Variants in CLPB observed in about 807,000 individuals in gnomAD.
CLPB encodes the protein mitochondrial disaggregase.
In CLPB, 40 loss-of-function variants were observed where a neutral mutation model predicts 78.4. The ratio of observed to expected loss-of-function variants is 0.51; its 90% CI spans 0.40 to 0.66. The LOEUF (loss-of-function observed/expected upper bound fraction) is 0.66. Ranked by LOEUF, CLPB falls within the 30% of genes least tolerant of loss-of-function variation. CLPB has a pLI of 0.00. For synonymous variants in CLPB, 333 were observed against 348.0 expected, an observed-to-expected ratio of 0.96 and a Z score of 0.48; for missense variants, 780 against 886.9, an observed-to-expected ratio of 0.88 and a Z score of 1.53.
Position 72,292,219 on chromosome 11 carries a change from TTCTC to T in CLPB, c.*1144_*1147del, listed in dbSNP as rs1949464143. The T allele has an allele frequency of 6.6e-6, 1 of 152,188 alleles. No individual in the cohort carries two copies. Among genetic ancestry groups the T allele is most frequent in the South Asian group, 2.1e-4 (1 of 4,814 alleles). The allele number at this position is 152,188 out of a possible 1,614,324, so 9.4% of individuals were successfully genotyped here. ...CAAGGGACTTTGATTCCTGGCCCCA[TTCTC>T]TGCTTCCTGAAAGACTAGCTAACAC... On this transcript the variant is annotated 3_prime_UTR_variant, in exon 16 of 16. Coordinates refer to ENST00000538039, the MANE Select transcript of CLPB (RefSeq NM_001258392.3).
chr11:72,290,720 G>C lies in CLPB; in HGVS notation c.*2647C>G, dbSNP rs1949440967. The C allele has an allele frequency of 6.6e-6, 1 of 152,134 alleles. No homozygotes were observed. The highest frequency in any genetic ancestry group is 1.5e-5 in the Non-Finnish European group (1 of 68,026). 9.4% of individuals were successfully genotyped at this position (152,134 alleles called of 1,614,324 possible). On this transcript the variant is annotated 3_prime_UTR_variant, in exon 16 of 16. Coordinates refer to ENST00000538039, the MANE Select transcript of CLPB (RefSeq NM_001258392.3). ...GCACTTTGGGAGGCCGAGGTGGGTG[G>C]ATCACCTGAGGTCAGGAGTTCAAGA...
intron 2 of CLPB, among the ~76,000 whole-genome samples, chr11:72,407,609 T>C (rs1482511982): frequency 1.3e-5 from 2 of 151,916 alleles, no homozygotes; most frequent in Non-Finnish European, 2.9e-5. Flanking sequence ...TACAGGAGAG[T>C]CAGGAGACCT....
rs115672570 is a variant in CLPB at position 72,302,743 on chromosome 11, G to T, written c.1123-395C>A. 5.1e-3 allele frequency: 1,330 copies of T among 261,088 alleles called. 15 individuals carry two copies. The highest frequency in any genetic ancestry group is 0.028 in the African/African-American group (1,267 of 45,846). The allele number at this position is 261,088 out of a possible 1,614,324, so 16.2% of individuals were successfully genotyped here. Reference sequence around the variant, plus strand: ...AACAAGTCTTGGTCTCTGTCCTTAAGAAGCACCCCATCGAATGGTGCAGAC... The same window carrying T: ...AACAAGTCTTGGTCTCTGTCCTTAATAAGCACCCCATCGAATGGTGCAGAC... On this transcript the variant is annotated intron_variant, in intron 9 of 15. Transcript: ENST00000538039.
chr11:72,433,214 A>T (rs1856596967), intron 1 of CLPB, among the ~76,000 whole-genome samples: 1 of 152,158 alleles, frequency 6.6e-6, no homozygotes, highest in African/African-American at 2.4e-5. Flanking sequence ...CTCCAAAAAG[A>T]GTCAAAATAA....
intron 11 of CLPB, among the ~76,000 whole-genome samples, chr11:72,296,810 G>A (rs1218395190): frequency 6.6e-6 from 1 of 152,152 alleles, no homozygotes; most frequent in Non-Finnish European, 1.5e-5. Context: ...GCTTGCTGGA[G>A]GCTGGAATCT....
rs1406905142 is a variant in CLPB at position 72,295,287 on chromosome 11, G to A, written c.1486+205C>T. ...AGCCCTCTTATCACCCAACAGACTT[G>A]AGGCTTTCTTGAAGTGGGGTCTCTG... On this transcript the variant is annotated intron_variant, in intron 12 of 15. Transcript: ENST00000538039. Among the ~76,000 whole-genome samples, 10 of 152,172 alleles carry A rather than the reference G, an allele frequency of 6.6e-5. No individual in the cohort carries two copies. In the East Asian group the frequency reaches 9.6e-4, roughly 15 times the overall value.
intron 2 of CLPB, among the ~76,000 whole-genome samples, chr11:72,418,752 G>A (rs1856098857): frequency 6.6e-6 from 1 of 151,952 alleles, no homozygotes; most frequent in Non-Finnish European, 1.5e-5. Flanking sequence ...CTACTCTGGA[G>A]GCTGAGCCAG....
chr11:72,408,195 TCTCTTGGGG>T, intron 2 of CLPB: 1 of 1,535,234 alleles, frequency 6.5e-7, no homozygotes, highest in South Asian at 1.2e-5. Flanking sequence ...TTCTTTGCAG[TCTCTTGGGG>T]CTGAGGTATA....
intron 5 of CLPB, among the ~76,000 whole-genome samples, chr11:72,332,065 A>G (rs1320343768): frequency 6.6e-6 from 1 of 152,242 alleles, no homozygotes; most frequent in Non-Finnish European, 1.5e-5. Flanking sequence ...ATTATCAGTA[A>G]GAAAAAACTA....
intron 11 of CLPB, among the ~76,000 whole-genome samples, chr11:72,295,925 C>G (rs1443920657): frequency 6.6e-6 from 1 of 152,230 alleles, no homozygotes; most frequent in Non-Finnish European, 1.5e-5. Context: ...CCCAACTATC[C>G]CTGGCATGCA....
rs949445628 is a variant in CLPB, at chr11:72,312,781, G to A, written c.989-4177C>T. 6.6e-5 allele frequency among the ~76,000 whole-genome samples: 10 copies of A among 152,084 alleles called. No individual in the cohort carries two copies. The highest frequency in any genetic ancestry group is 2.6e-4 in the Admixed American group (4 of 15,278). ...AAAAAAGCTCTGTGCTAGGTGCGGC[G>A]GCTCTCACAAAGAGGCCTCAAAAAA... On this transcript the variant is annotated intron_variant, in intron 7 of 15. Coordinates refer to ENST00000538039, the MANE Select transcript of CLPB (RefSeq NM_001258392.3). The surrounding 1 kb of genome is among the most constrained non-coding windows in gnomAD (Gnocchi z 4.2).
chr11:72,421,196 T>C (rs569296692), intron 2 of CLPB, among the ~76,000 whole-genome samples: 1 of 152,332 alleles, frequency 6.6e-6, no homozygotes, highest in African/African-American at 2.4e-5. Context: ...CCTCTGTATA[T>C]ACCTGGCTGG....
chr11:72,428,701 G>A (rs939930900), intron 2 of CLPB: 2 of 152,240 alleles, frequency 1.3e-5, no homozygotes, highest in Admixed American at 1.3e-4. Flanking sequence ...GAGGAGGCAG[G>A]AGAAAAGCAG....
At chr11:72,320,791 C>A (rs935101602) in intron 6 of CLPB, among the ~76,000 whole-genome samples, 29 of 152,164 alleles carry the variant, frequency 1.9e-4, no homozygotes, top group African/African-American at 7.0e-4. Flanking sequence ...CGGCTCACTG[C>A]AACCTCCGTC....
intron 5 of CLPB, among the ~76,000 whole-genome samples, chr11:72,355,779 T>C (rs1950701291): frequency 6.6e-6 from 1 of 152,162 alleles, no homozygotes; most frequent in Admixed American, 6.5e-5. Flanking sequence ...ATGGGGACTT[T>C]TGGTCAGACA....
intron 5 of CLPB, among the ~76,000 whole-genome samples, chr11:72,334,769 T>A (rs73530718): frequency 6.6e-6 from 1 of 152,090 alleles, no homozygotes; most frequent in Non-Finnish European, 1.5e-5. Flanking sequence ...TAATCGCAGG[T>A]CATCCGTCAC....
Position 72,401,398 on chromosome 11 carries a change from C to T in CLPB, c.542+1568G>A, listed in dbSNP as rs145436010. ...GGAGGGTTGCAGTGATCCAAGATCG[C>T]GCCACTGCACTCCAGCCTGGCAACA... On this transcript the variant is annotated intron_variant, in intron 3 of 15. Coordinates refer to ENST00000538039, the MANE Select transcript of CLPB (RefSeq NM_001258392.3). Among the ~76,000 whole-genome samples, 1,403 of 151,998 alleles carry T rather than the reference C, an allele frequency of 9.2e-3. 19 individuals carry two copies. The highest frequency in any genetic ancestry group is 0.032 in the African/African-American group (1,320 of 41,446).
chr11:72,340,945 G>A (rs1950409736), intron 5 of CLPB, among the ~76,000 whole-genome samples: 1 of 152,110 alleles, frequency 6.6e-6, no homozygotes, highest in Non-Finnish European at 1.5e-5. Context: ...CCATCTCCTG[G>A]GTTCACGCCA....
At chr11:72,384,506 C>G (rs572960265) in intron 3 of CLPB, among the ~76,000 whole-genome samples, 1 of 152,082 alleles carries the variant, frequency 6.6e-6, no homozygotes, top group African/African-American at 2.4e-5. Flanking sequence ...AGGAAGACGG[C>G]AAGAGAGGAA....
Sources: allele counts gnomAD v4.1 joint callset (sites outside exome capture counted in the v4.1 genomes callset), GRCh38; gene constraint gnomAD v4.1.1; non-coding constraint Gnocchi (gnomAD v3.1); transcripts MANE v1.5; gene names NCBI Gene and HGNC (gene_info 2026-07-23, HGNC 2026-07-21).